Variants in EYS observed in about 807,000 individuals in gnomAD.
The protein encoded by EYS is EGF-like photoreceptor maintenance factor.
Under a neutral mutation model 282.1 loss-of-function variants are expected in EYS, and 250 were observed. That is an observed-to-expected ratio of 0.89 (90% CI 0.80 to 0.98). EYS has a LOEUF of 0.98. Among genes scored for constraint, EYS ranks in the 50% least tolerant of loss-of-function variants. EYS has a pLI of 0.00. For synonymous variants in EYS, 1,355 were observed against 1,282.9 expected (o/e 1.06, Z -1.20); for missense variants, 4,016 against 3,709.0 (o/e 1.08, Z -2.15).
At chr6:64,485,901 C>A (rs975352989) in intron 26 of EYS, among the ~76,000 whole-genome samples, 1 of 151,114 alleles carries the variant, frequency 6.6e-6, no homozygotes, top group Admixed American at 6.6e-5. Flanking sequence ...ATTCATATTT[C>A]TATATTATGA....
chr6:63,871,482 G>A (rs893533833), intron 35 of EYS, among the ~76,000 whole-genome samples: 2 of 151,944 alleles, frequency 1.3e-5, no homozygotes, highest in Non-Finnish European at 2.9e-5. Context: ...CCAACATGGT[G>A]AAACCCCATC....
At chr6:65,358,019 T>G (rs1293539509) in intron 8 of EYS, among the ~76,000 whole-genome samples, 1 of 151,964 alleles carries the variant, frequency 6.6e-6, no homozygotes, top group Non-Finnish European at 1.5e-5. Flanking sequence ...ACCTTCTCTG[T>G]TAAGATATCT....
chr6:65,116,317 C>T (rs374234094), intron 12 of EYS, among the ~76,000 whole-genome samples: 12 of 152,198 alleles, frequency 7.9e-5, no homozygotes, highest in South Asian at 2.1e-4. Flanking sequence ...ACATTCTTCA[C>T]GTCTAATTAA....
intron 31 of EYS, among the ~76,000 whole-genome samples, chr6:64,226,341 A>T (rs1389292011): frequency 6.6e-6 from 1 of 152,160 alleles, no homozygotes; most frequent in Non-Finnish European, 1.5e-5. Flanking sequence ...TATGTAATAT[A>T]TGTAGATAGA....
At chr6:64,578,472 A>G (rs1204011266) in intron 26 of EYS, among the ~76,000 whole-genome samples, 2 of 152,032 alleles carry the variant, frequency 1.3e-5, no homozygotes, top group Non-Finnish European at 2.9e-5. Flanking sequence ...GTCTTCGTCA[A>G]AGAGATCAAT....
intron 31 of EYS, among the ~76,000 whole-genome samples, chr6:64,191,415 C>G (rs1202644615): frequency 6.6e-6 from 1 of 152,028 alleles, no homozygotes; most frequent in African/African-American, 2.4e-5. Context: ...ATGCGACATG[C>G]TGGTGCGCTG....
At chr6:64,124,479 A>C (rs930188174) in intron 31 of EYS, among the ~76,000 whole-genome samples, 1 of 152,220 alleles carries the variant, frequency 6.6e-6, no homozygotes, top group Non-Finnish European at 1.5e-5. Flanking sequence ...ATGTGAACCA[A>C]ATATTTGTTG....
chr6:65,328,078 AT>A (rs768652737), intron 11 of EYS, among the ~76,000 whole-genome samples: 7 of 151,498 alleles, frequency 4.6e-5, no homozygotes, highest in Non-Finnish European at 7.4e-5. Context: ...ACACATTAAC[AT>A]ATGCTGTGAC....
chr6:64,705,980 T>A (rs1770997406), intron 22 of EYS, among the ~76,000 whole-genome samples: 1 of 149,696 alleles, frequency 6.7e-6, no homozygotes, highest in South Asian at 2.1e-4. Context: ...AAACTTTAAG[T>A]ATAATAATTA....
intron 22 of EYS, among the ~76,000 whole-genome samples, chr6:64,687,568 G>A (rs186533092): frequency 8.1e-4 from 123 of 152,310 alleles, no homozygotes; most frequent in Non-Finnish European, 1.0e-4. Flanking sequence ...CAGGGATGAA[G>A]CCAACTTGAT....
At chr6:64,471,198 C>A (rs1346973082) in intron 26 of EYS, among the ~76,000 whole-genome samples, 2 of 152,004 alleles carry the variant, frequency 1.3e-5, no homozygotes, top group Non-Finnish European at 2.9e-5. Flanking sequence ...AAAGTATGCC[C>A]ACGTTCCTTA....
At chr6:65,694,147 A>G (rs1332898338) in intron 1 of EYS, among the ~76,000 whole-genome samples, 2 of 150,262 alleles carry the variant, frequency 1.3e-5, no homozygotes, top group African/African-American at 4.9e-5. Flanking sequence ...CAGCTACGCT[A>G]CTCAGGAGGC....
chr6:64,947,111 C>T (rs2150096872), intron 14 of EYS, among the ~76,000 whole-genome samples: 1 of 151,890 alleles, frequency 6.6e-6, no homozygotes, highest in East Asian at 1.9e-4. Context: ...TACATCTCAA[C>T]ATCCTGTACA....
chr6:65,199,977 GTT>G, intron 12 of EYS, among the ~76,000 whole-genome samples: 1 of 151,368 alleles, frequency 6.6e-6, no homozygotes, highest in African/African-American at 2.5e-5. Flanking sequence ...TTATATTGGG[GTT>G]TTAGAGAGAA....
At chr6:65,161,921 G>A (rs752735912) in intron 12 of EYS, among the ~76,000 whole-genome samples, 3 of 151,038 alleles carry the variant, frequency 2.0e-5, no homozygotes, top group Non-Finnish European at 4.5e-5. Flanking sequence ...AATATTTTTA[G>A]TTTCCCCGCC....
At chr6:64,069,414 T>A (rs1771490148) in intron 32 of EYS, among the ~76,000 whole-genome samples, 2 of 152,056 alleles carry the variant, frequency 1.3e-5, no homozygotes, top group African/African-American at 2.4e-5. Context: ...TTTTCTTCTA[T>A]TGTTTTTATC....
chr6:65,137,049 A>G (rs979634976), intron 12 of EYS, among the ~76,000 whole-genome samples: 5 of 152,104 alleles, frequency 3.3e-5, no homozygotes, highest in Non-Finnish European at 1.5e-5. Flanking sequence ...CATTGTGCAG[A>G]TATTCGAGAT....
intron 15 of EYS, among the ~76,000 whole-genome samples, chr6:64,929,256 T>C (rs929265633): frequency 2.6e-5 from 4 of 152,124 alleles, no homozygotes; most frequent in African/African-American, 9.7e-5. Flanking sequence ...AGCCAAGGGA[T>C]GCCAAAGATT....
intron 12 of EYS, among the ~76,000 whole-genome samples, chr6:65,077,520 G>A (rs1774093436): frequency 6.6e-6 from 1 of 152,068 alleles, no homozygotes; most frequent in South Asian, 2.1e-4. Flanking sequence ...AATGCATTAA[G>A]TTAGATATAT....
Sources: gnomAD v4.1 joint callset for allele counts (sites outside exome capture counted in the v4.1 genomes callset) on GRCh38, gnomAD v4.1.1 for gene constraint, MANE v1.5 for transcripts, NCBI Gene and HGNC (gene_info 2026-07-23, HGNC 2026-07-21) for gene names.